The following HDAC9 variants were observed in gnomAD, a reference collection of about 807,000 sequenced individuals.
HDAC9 encodes histone deacetylase 9.
HDAC9 carries 41 observed loss-of-function variants against 139.4 expected under a neutral mutation model. That is an observed-to-expected ratio of 0.29 (90% CI 0.23 to 0.38). The LOEUF (loss-of-function observed/expected upper bound fraction) is 0.38. Among genes scored for constraint, HDAC9 ranks in the 10% least tolerant of loss-of-function variants. The pLI, the probability that HDAC9 is intolerant of heterozygous loss-of-function variation, is 1.00. For missense variants in HDAC9, 1,147 were observed against 1,297.0 expected, an observed-to-expected ratio of 0.88 and a Z score of 1.78; for synonymous variants, 517 against 476.2, an observed-to-expected ratio of 1.09 and a Z score of -1.12.
intron 2 of HDAC9, among the ~76,000 whole-genome samples, chr7:18,190,144 A>G (rs987154044): frequency 4.6e-5 from 7 of 152,116 alleles, no homozygotes; most frequent in Non-Finnish European, 8.8e-5. Flanking sequence ...GGGTTTCACC[A>G]TGTTGGCCAG....
At chr7:18,763,454 A>T (rs1422353228) in intron 15 of HDAC9, among the ~76,000 whole-genome samples, 1 of 152,202 alleles carries the variant, frequency 6.6e-6, no homozygotes, top group African/African-American at 2.4e-5. Flanking sequence ...TAGAAAGTAC[A>T]TTGCTAATAT....
At chr7:18,874,411 T>A in intron 21 of HDAC9, 67 bp from the exon 22 acceptor site, 1 of 947,956 alleles carries the variant, frequency 1.1e-6, no homozygotes, top group Admixed American at 2.1e-5. Flanking sequence ...CCAGGTCGTT[T>A]TCACTGAACG....
chr7:18,988,071 G>C (rs920698731), intron 25 of HDAC9, among the ~76,000 whole-genome samples: 1 of 152,044 alleles, frequency 6.6e-6, no homozygotes, highest in Non-Finnish European at 1.5e-5. Context: ...ATTCAGTTCT[G>C]CTCTGATTTT....
chr7:18,914,156 G>A (rs990390546), intron 22 of HDAC9, among the ~76,000 whole-genome samples: 3 of 151,668 alleles, frequency 2.0e-5, no homozygotes, highest in Non-Finnish European at 4.4e-5. Context: ...GTGACAAGGT[G>A]CTGTCTATGC....
intron 13 of HDAC9, among the ~76,000 whole-genome samples, chr7:18,732,478 AGTGTATATAT>A (rs1481649197): frequency 6.7e-6 from 1 of 149,742 alleles, no homozygotes; most frequent in African/African-American, 2.5e-5. Context: ...GTGTATATAC[AGTGTATATAT>A]GTGTATATAT....
Position 18,707,930 on chromosome 7 carries a change from T to G in HDAC9, c.1732-19650T>G, listed in dbSNP as rs566200363. Among the ~76,000 whole-genome samples, 22 of 151,898 alleles carry G rather than the reference T, an allele frequency of 1.4e-4. No homozygotes were observed. In the South Asian group the frequency reaches 1.7e-3, roughly 11 times the overall value. ...ATTTGAGTTGGAAGCGATGAGAGCA[T>G]TTTTGTATATTGAGGGGAGACAGAC... On this transcript the variant is annotated intron_variant, in intron 12 of 25. Transcript: ENST00000686413.
At chr7:18,468,167 T>G (rs1794445588) in intron 1 of HDAC9, among the ~76,000 whole-genome samples, 1 of 152,132 alleles carries the variant, frequency 6.6e-6, no homozygotes, top group Non-Finnish European at 1.5e-5. Flanking sequence ...TTCTCCCTTT[T>G]TATACTCCAC....
chr7:18,956,596 A>G (rs891092957), intron 24 of HDAC9, among the ~76,000 whole-genome samples: 2 of 152,134 alleles, frequency 1.3e-5, no homozygotes, highest in African/African-American at 4.8e-5. Context: ...TCAAGGATAT[A>G]TGGTGTAGTG....
At chr7:18,849,543 G>C (rs12672843) in intron 21 of HDAC9, among the ~76,000 whole-genome samples, 6,309 of 152,172 alleles carry the variant, frequency 0.041, 306 homozygotes, top group East Asian at 0.24. Context: ...TTTTAGATCA[G>C]ATATGACACA....
chr7:18,471,971 C>G (rs1363287204), intron 1 of HDAC9, among the ~76,000 whole-genome samples: 1 of 152,108 alleles, frequency 6.6e-6, no homozygotes, highest in Non-Finnish European at 1.5e-5. Flanking sequence ...GTTTTAAATT[C>G]TGCTATTAAT....
At chr7:18,978,877 G>A (rs116860725) in intron 25 of HDAC9, among the ~76,000 whole-genome samples, 228 of 152,220 alleles carry the variant, frequency 1.5e-3, no homozygotes, top group Non-Finnish European at 2.4e-3. Context: ...ACTTCAAGAT[G>A]ATCAACTGTT....
chr7:18,644,862 G>A lies in HDAC9; in HGVS notation c.1035+69G>A, dbSNP rs10228036. On this transcript the variant is annotated intron_variant, in intron 9 of 25. Coordinates refer to ENST00000686413, the MANE Select transcript of HDAC9 (RefSeq NM_178425.4). ...TCTTTTCACAGGGGAACTCTCTTTC[G>A]TGTTTTATGTATTTAGACTTTAGAA... 16,713 of 1,493,090 alleles carry A rather than the reference G, an allele frequency of 0.011. 976 individuals are homozygous for A. The African/African-American group carries it at 0.16, about 14-fold the overall frequency. 92.5% of individuals were successfully genotyped at this position (1,493,090 alleles called of 1,614,324 possible).
chr7:18,489,691 A>G (rs1796224300), intron 1 of HDAC9, among the ~76,000 whole-genome samples: 1 of 152,044 alleles, frequency 6.6e-6, no homozygotes, highest in African/African-American at 2.4e-5. Context: ...AATAGTTGAT[A>G]TTCAATATAT....
At chr7:18,826,098 C>G (rs1795411103) in intron 17 of HDAC9, among the ~76,000 whole-genome samples, 1 of 152,084 alleles carries the variant, frequency 6.6e-6, no homozygotes, top group Admixed American at 6.6e-5. Flanking sequence ...CTAACACCTT[C>G]TCTAGTGTGA....
chr7:18,837,225 G>C (rs1585128502), intron 21 of HDAC9, among the ~76,000 whole-genome samples: 1 of 151,464 alleles, frequency 6.6e-6, no homozygotes, highest in South Asian at 2.1e-4. Context: ...TATACACAAA[G>C]ATATCCACAA....
At chr7:18,786,619 C>CTCCT (rs1791804478) in intron 16 of HDAC9, among the ~76,000 whole-genome samples, 1 of 17,262 alleles carries the variant, frequency 5.8e-5, no homozygotes, top group Non-Finnish European at 1.6e-4. Flanking sequence ...CCTTCCTTCC[C>CTCCT]TCCCTCCCTC....
chr7:18,148,739 T>G (rs1198189519), intron 1 of HDAC9, among the ~76,000 whole-genome samples: 1 of 152,174 alleles, frequency 6.6e-6, no homozygotes, highest in Non-Finnish European at 1.5e-5. Flanking sequence ...GGATTACAGG[T>G]GTGAGCCACC....
At chr7:18,980,515 G>T (rs747092509) in intron 25 of HDAC9, among the ~76,000 whole-genome samples, 1 of 152,112 alleles carries the variant, frequency 6.6e-6, no homozygotes, top group East Asian at 1.9e-4. Flanking sequence ...ATTTCATAGA[G>T]TTGTGAGAAT....
chr7:18,964,535 A>AG (rs1316346084), intron 24 of HDAC9, among the ~76,000 whole-genome samples: 1 of 152,210 alleles, frequency 6.6e-6, no homozygotes, highest in Non-Finnish European at 1.5e-5. Context: ...TAAAATCGAA[A>AG]AGTAAGAGTA....
Sources: gnomAD v4.1 joint callset for allele counts (sites outside exome capture counted in the v4.1 genomes callset) on GRCh38, gnomAD v4.1.1 for gene constraint, MANE v1.5 for transcripts, NCBI Gene and HGNC (gene_info 2026-07-23, HGNC 2026-07-21) for gene names.